JMY: variants seen among roughly 807,000 people sequenced by gnomAD.
JMY encodes the protein junction-mediating and -regulatory protein.
In JMY, 46 loss-of-function variants were observed where a neutral mutation model predicts 103.3. That is an observed-to-expected ratio of 0.45 (90% CI 0.35 to 0.57). JMY has a LOEUF of 0.57. JMY is among the 20% of genes least tolerant of loss of function. The pLI, the probability that JMY is intolerant of heterozygous loss-of-function variation, is 0.00. For missense variants in JMY, 1,238 were observed against 1,255.2 expected (o/e 0.99, Z 0.21); for synonymous variants, 526 against 489.3 (o/e 1.07, Z -0.99).
intron 1 of JMY, among the ~76,000 whole-genome samples, chr5:79,244,611 A>C (rs894540786): frequency 6.6e-6 from 1 of 151,872 alleles, no homozygotes; most frequent in Non-Finnish European, 1.5e-5. Context: ...TGAAAGCACA[A>C]GATGAGCCCT....
At chr5:79,287,542 A>G (rs1303959272) in intron 2 of JMY, among the ~76,000 whole-genome samples, 2 of 152,152 alleles carry the variant, frequency 1.3e-5, no homozygotes, top group Non-Finnish European at 2.9e-5. Flanking sequence ...GCTTGCTGGG[A>G]GACTGAGGCA....
At chr5:79,306,892 C>T (rs1297935861) in intron 7 of JMY, among the ~76,000 whole-genome samples, 4 of 152,122 alleles carry the variant, frequency 2.6e-5, no homozygotes, top group African/African-American at 9.7e-5. Context: ...TTTCACTGCT[C>T]CAAAAATCCC....
intron 2 of JMY, among the ~76,000 whole-genome samples, chr5:79,286,781 T>C (rs1746283641): frequency 6.6e-6 from 1 of 152,250 alleles, no homozygotes. Context: ...TCCATAGTTG[T>C]ATCTGTTGAG....
intron 9 of JMY, among the ~76,000 whole-genome samples, chr5:79,315,263 A>G (rs1217414829): frequency 1.3e-5 from 2 of 152,210 alleles, no homozygotes; most frequent in African/African-American, 4.8e-5. Flanking sequence ...TTTGTTGAGG[A>G]CTTTTGTGTA....
chr5:79,301,083 C>G (rs1237068984), intron 6 of JMY, among the ~76,000 whole-genome samples: 1 of 152,146 alleles, frequency 6.6e-6, no homozygotes, highest in East Asian at 1.9e-4. Flanking sequence ...AATGGTGACT[C>G]TGCTAAAGGC....
chr5:79,275,717 GA>G (rs753141414), intron 1 of JMY, among the ~76,000 whole-genome samples: 64 of 152,146 alleles, frequency 4.2e-4, no homozygotes, highest in Non-Finnish European at 8.2e-4. Flanking sequence ...GCTAATACTA[GA>G]GAAGTCAAAA....
intron 4 of JMY, among the ~76,000 whole-genome samples, chr5:79,292,282 A>G (rs761014869): frequency 4.2e-4 from 64 of 152,074 alleles, no homozygotes; most frequent in Non-Finnish European, 7.6e-4. Context: ...TTTTAAACTT[A>G]AGTCCCTCTT....
intron 1 of JMY, among the ~76,000 whole-genome samples, chr5:79,269,186 G>A (rs1308460320): frequency 1.1e-4 from 16 of 152,108 alleles, no homozygotes; most frequent in Admixed American, 1.0e-3. Flanking sequence ...TGCAAGGTCT[G>A]TGTCTAGATT....
At position 79,327,132 on chromosome 5, in the gene JMY, T is replaced by C. The variant is rs1747676020; in HGVS notation, c.*5530T>C. On this transcript the variant is annotated 3_prime_UTR_variant, in exon 11 of 11. Coordinates refer to ENST00000396137, the MANE Select transcript of JMY (RefSeq NM_152405.5). ...GCAATCACCTTTCTCTTGTTGTACATGCAATGTAACAACCTACAGTTTTGG... is the reference window on the plus strand; with the variant it reads ...GCAATCACCTTTCTCTTGTTGTACACGCAATGTAACAACCTACAGTTTTGG... 1 of 152,254 alleles carries C rather than the reference T, an allele frequency of 6.6e-6. No individual in the cohort carries two copies. 9.4% of individuals were successfully genotyped at this position (152,254 alleles called of 1,614,324 possible).
Position 79,269,952 on chromosome 5 carries a change from A to G in JMY, c.1033-7958A>G, listed in dbSNP as rs1371286885. Among the ~76,000 whole-genome samples the G allele has an allele frequency of 5.9e-5, 9 of 151,858 alleles. No individual in the cohort carries two copies. In the South Asian group the frequency reaches 1.2e-3, roughly 21 times the overall value. ...TACTATGTTGCCCAGGTGGGTCTTGAACTCCTGGGCTGAAGTGATTCTCCT... is the reference window on the plus strand; with the variant it reads ...TACTATGTTGCCCAGGTGGGTCTTGGACTCCTGGGCTGAAGTGATTCTCCT... On this transcript the variant is annotated intron_variant, in intron 1 of 10. Coordinates refer to ENST00000396137, the MANE Select transcript of JMY (RefSeq NM_152405.5).
At position 79,310,057 on chromosome 5, in the gene JMY, CTTTTTTTTTTTT is replaced by C. The variant is rs55994052; in HGVS notation, c.1969-2331_1969-2320del. 2.9e-4 allele frequency among the ~76,000 whole-genome samples: 21 copies of C among 73,682 alleles called. 2 individuals carry two copies. In the South Asian group the frequency reaches 7.4e-3, roughly 26 times the overall value. The allele number at this position is 73,682 out of a possible 152,430, so 48.3% of individuals were successfully genotyped here. A position where few individuals can be genotyped will look rare whatever the true frequency, so the allele number is the denominator to read the frequency against. On this transcript the variant is annotated intron_variant, in intron 7 of 10. Transcript: ENST00000396137. ...TAGTAAATCGATTATCTTTCTTTTCCTTTTTTTTTTTTTTTTTTTTTTTTTTGAGATGGAGTC... is the reference window on the plus strand; with the variant it reads ...TAGTAAATCGATTATCTTTCTTTTCCTTTTTTTTTTTTTTGAGATGGAGTC...
At chr5:79,246,474 G>A (rs897380912) in intron 1 of JMY, among the ~76,000 whole-genome samples, 1 of 152,188 alleles carries the variant, frequency 6.6e-6, no homozygotes, top group Non-Finnish European at 1.5e-5. Flanking sequence ...AAGTGAGTTT[G>A]AGACCTGACT....
chr5:79,288,698 TTC>T (rs1412992612), intron 2 of JMY, among the ~76,000 whole-genome samples: 3 of 151,828 alleles, frequency 2.0e-5, no homozygotes, highest in Non-Finnish European at 2.9e-5. Flanking sequence ...GGTATTCTAA[TTC>T]TTTTTGTTTT....
chr5:79,320,554 A>C (rs1747418337), intron 10 of JMY, among the ~76,000 whole-genome samples: 1 of 151,522 alleles, frequency 6.6e-6, no homozygotes, highest in African/African-American at 2.4e-5. Flanking sequence ...CAACTGATCC[A>C]CCCTCCTCAG....
intron 6 of JMY, among the ~76,000 whole-genome samples, chr5:79,305,427 T>C (rs905544782): frequency 6.6e-6 from 1 of 151,956 alleles, no homozygotes; most frequent in Middle Eastern, 3.2e-3. Context: ...CACTCCAGCC[T>C]GGGCAACAGT....
chr5:79,243,203 TTTTG>T (rs1411234997), intron 1 of JMY, among the ~76,000 whole-genome samples: 1 of 152,154 alleles, frequency 6.6e-6, no homozygotes, highest in Non-Finnish European at 1.5e-5. Context: ...TAGGAGGAAG[TTTTG>T]TTTAACAGGT....
intron 2 of JMY, among the ~76,000 whole-genome samples, chr5:79,282,764 ACCATT>A (rs1325613293): frequency 6.6e-6 from 1 of 152,148 alleles, no homozygotes; most frequent in Admixed American, 6.5e-5. Flanking sequence ...CCAATCCAGC[ACCATT>A]GATGGTTGCC....
intron 2 of JMY, 39 bp downstream of exon 2, chr5:79,278,122 T>C (rs775631231): frequency 2.0e-6 from 3 of 1,524,680 alleles, no homozygotes; most frequent in South Asian, 1.2e-5. Context: ...CCTGCCTGTT[T>C]CATAGTTCTC....
intron 6 of JMY, among the ~76,000 whole-genome samples, chr5:79,304,248 T>A (rs545033889): frequency 1.3e-5 from 2 of 152,122 alleles, no homozygotes; most frequent in Non-Finnish European, 2.9e-5. Context: ...GGTGAAAAGA[T>A]AGGAAATGCA....
Sources: gnomAD v4.1 joint callset for allele counts (sites outside exome capture counted in the v4.1 genomes callset) on GRCh38, gnomAD v4.1.1 for gene constraint, MANE v1.5 for transcripts, NCBI Gene and HGNC (gene_info 2026-07-23, HGNC 2026-07-21) for gene names.